The following CNTNAP2 variants were observed in gnomAD, a reference collection of about 807,000 sequenced individuals.
CNTNAP2 encodes contactin-associated protein-like 2.
In CNTNAP2, 98 loss-of-function variants were observed where a neutral mutation model predicts 155.2. The observed-to-expected ratio is 0.63, with a 90% CI of 0.54 to 0.75. The LOEUF is 0.75. CNTNAP2 is among the 30% of genes least tolerant of loss of function. The probability of loss-of-function intolerance (pLI) is 0.00; values close to 1 mark genes in which losing one functional copy is unlikely to be tolerated. For missense variants in CNTNAP2, 1,727 were observed against 1,688.1 expected (o/e 1.02, Z -0.40); for synonymous variants, 651 against 631.2 (o/e 1.03, Z -0.47).
chr7:146,236,985 G>A (rs1236773720), intron 1 of CNTNAP2, among the ~76,000 whole-genome samples: 1 of 152,126 alleles, frequency 6.6e-6, no homozygotes, highest in East Asian at 1.9e-4. Flanking sequence ...CTTCGTTTCT[G>A]TATTTTAGAC....
At chr7:148,259,179 TAAAAAAAAAAAA>T (rs34229180) in intron 20 of CNTNAP2, among the ~76,000 whole-genome samples, 24 of 24,026 alleles carry the variant, frequency 1.0e-3, no homozygotes, top group South Asian at 4.1e-3. Flanking sequence ...AACTCCGTCT[TAAAAAAAAAAAA>T]AAAAAAAAAA....
chr7:147,123,535 A>T (rs1045396801), intron 6 of CNTNAP2, among the ~76,000 whole-genome samples: 2 of 152,250 alleles, frequency 1.3e-5, no homozygotes, highest in African/African-American at 4.8e-5. Flanking sequence ...CCTGGAACTT[A>T]TTTATTAGAC....
chr7:147,840,908 C>T (rs1462432544), intron 13 of CNTNAP2, among the ~76,000 whole-genome samples: 1 of 151,760 alleles, frequency 6.6e-6, no homozygotes, highest in East Asian at 2.0e-4. Flanking sequence ...AAAAAAAAAT[C>T]AAACCCTTGA....
chr7:147,971,658 C>T (rs980779435), intron 14 of CNTNAP2, among the ~76,000 whole-genome samples: 1 of 152,166 alleles, frequency 6.6e-6, no homozygotes, highest in Non-Finnish European at 1.5e-5. Flanking sequence ...AATAATATTT[C>T]ATTGTATGTA....
chr7:147,212,521 T>C (rs1803171828), intron 8 of CNTNAP2, among the ~76,000 whole-genome samples: 1 of 152,078 alleles, frequency 6.6e-6, no homozygotes, highest in African/African-American at 2.4e-5. Context: ...CAATTATAAG[T>C]GAGAGCTAAA....
intron 1 of CNTNAP2, among the ~76,000 whole-genome samples, chr7:146,656,995 A>T (rs1333865108): frequency 1.3e-5 from 2 of 152,168 alleles, no homozygotes; most frequent in Admixed American, 1.3e-4. Flanking sequence ...ACTTTGACTC[A>T]TATGATATCA....
At chr7:147,281,837 G>A (rs10251412) in intron 8 of CNTNAP2, among the ~76,000 whole-genome samples, 64,836 of 151,440 alleles carry the variant, frequency 0.43, 14,686 homozygotes, top group East Asian at 0.71. Flanking sequence ...TCCACTCTTA[G>A]AGAATTGGTT....
chr7:148,280,214 A>G (rs1796947547), intron 21 of CNTNAP2, among the ~76,000 whole-genome samples: 1 of 152,206 alleles, frequency 6.6e-6, no homozygotes, highest in Non-Finnish European at 1.5e-5. Flanking sequence ...AGGCTGAGGC[A>G]GGAGAATTGC....
intron 21 of CNTNAP2, among the ~76,000 whole-genome samples, chr7:148,361,249 T>G (rs1035334525): frequency 3.3e-5 from 5 of 152,216 alleles, no homozygotes; most frequent in African/African-American, 4.8e-5. Flanking sequence ...TTCTTTTAGG[T>G]GAATTCAGTC....
chr7:148,278,891 G>A (rs1014823431), intron 21 of CNTNAP2, among the ~76,000 whole-genome samples: 2 of 152,248 alleles, frequency 1.3e-5, no homozygotes, highest in African/African-American at 4.8e-5. Context: ...AAAGCTGGCT[G>A]TGTGGACATC....
chr7:146,889,470 A>G (rs1355178456), intron 3 of CNTNAP2, among the ~76,000 whole-genome samples: 1 of 152,148 alleles, frequency 6.6e-6, no homozygotes, highest in East Asian at 1.9e-4. Context: ...AGTGAGATTC[A>G]TAGACGTGTC....
chr7:148,374,677 G>A (rs761568153), intron 21 of CNTNAP2, among the ~76,000 whole-genome samples: 4 of 152,116 alleles, frequency 2.6e-5, no homozygotes, highest in South Asian at 4.2e-4. Context: ...TGGTAATTTC[G>A]TACACAGGAT....
chr7:146,593,633 C>T (rs1055442433), intron 1 of CNTNAP2, among the ~76,000 whole-genome samples: 1 of 152,118 alleles, frequency 6.6e-6, no homozygotes, highest in Non-Finnish European at 1.5e-5. Flanking sequence ...TTGTGCAAAA[C>T]AGTCACAATC....
At chr7:147,639,389 C>A in intron 13 of CNTNAP2, 83 bp downstream of exon 13, 2 of 1,303,568 alleles carry the variant, frequency 1.5e-6, no homozygotes, top group Non-Finnish European at 2.2e-6. Context: ...AGGTGTGGTT[C>A]ATTATCTTAT....
chr7:147,514,635 A>G (rs1047412952), intron 11 of CNTNAP2, among the ~76,000 whole-genome samples: 1 of 150,938 alleles, frequency 6.6e-6, no homozygotes. Flanking sequence ...AAAAAAAAAT[A>G]ATAAGGTGTT....
intron 21 of CNTNAP2, among the ~76,000 whole-genome samples, chr7:148,349,450 G>A (rs892061821): frequency 2.1e-4 from 28 of 136,166 alleles, no homozygotes; most frequent in Non-Finnish European, 4.6e-5. Flanking sequence ...CGCCCGGGCT[G>A]GAGTGCAGTG....
In CNTNAP2 at chr7:148,165,158, G is replaced by A. The variant is rs139124060; in HGVS notation, c.2774-7084G>A. ...CTGGAAGTCCAAGATCAGTGTGTCC[G>A]TAGGGTTGCTTTCTTCTGAGGCTTC... On this transcript the variant is annotated intron_variant, in intron 17 of 23. Transcript: ENST00000361727. Among the ~76,000 whole-genome samples the A allele has an allele frequency of 2.2e-4, 33 of 152,254 alleles. No individual in the cohort carries two copies. The East Asian group carries it at 4.3e-3, about 20-fold the overall frequency.
intron 8 of CNTNAP2, among the ~76,000 whole-genome samples, chr7:147,186,212 C>G (rs563207843): frequency 1.3e-5 from 2 of 152,252 alleles, no homozygotes; most frequent in South Asian, 2.1e-4. Context: ...AATGCTTACA[C>G]TAAATTCTCT....
chr7:146,918,490 G>A (rs921086242), intron 3 of CNTNAP2, among the ~76,000 whole-genome samples: 4 of 152,084 alleles, frequency 2.6e-5, no homozygotes, highest in Admixed American at 6.6e-5. Context: ...TTGGTTTAAC[G>A]AGGCTAAAGA....
Sources: gnomAD v4.1 joint callset for allele counts (sites outside exome capture counted in the v4.1 genomes callset) on GRCh38, gnomAD v4.1.1 for gene constraint, MANE v1.5 for transcripts, NCBI Gene and HGNC (gene_info 2026-07-23, HGNC 2026-07-21) for gene names.